Variants in NRDE2 observed in about 807,000 individuals in gnomAD.
NRDE2 encodes nuclear exosome regulator NRDE2.
NRDE2 carries 76 observed loss-of-function variants against 124.2 expected under a neutral mutation model. The observed-to-expected ratio is 0.61, with a 90% CI of 0.51 to 0.74. The LOEUF (loss-of-function observed/expected upper bound fraction) is 0.74. Among genes scored for constraint, NRDE2 ranks in the 30% least tolerant of loss-of-function variants. The pLI is 0.00. For missense variants in NRDE2, 1,314 were observed against 1,417.3 expected (o/e 0.93, Z 1.17); for synonymous variants, 489 against 528.1 (o/e 0.93, Z 1.01).
In NRDE2 at chr14:90,274,786, C is replaced by CCACACACACA. The variant is rs1566677946; in HGVS notation, c.*3549_*3550insTGTGTGTGTG. ...ACAGTATAGCCCTTTAAATAGGGAA[C>CCACACACACA]TACACACACACACACACACACACAC... On this transcript the variant is annotated 3_prime_UTR_variant, in exon 14 of 14. Transcript: ENST00000354366. 22 of 81,646 alleles carry CCACACACACA rather than the reference C, an allele frequency of 2.7e-4. No homozygotes were observed. Among genetic ancestry groups the CCACACACACA allele is most frequent in the African/African-American group, 1.0e-3 (21 of 20,278 alleles). The allele number at this position is 81,646 out of a possible 1,614,324, so 5.1% of individuals were successfully genotyped here. A position where few individuals can be genotyped will look rare whatever the true frequency, so the allele number is the denominator to read the frequency against.
At chr14:90,303,328 ACT>A (rs1277986118) in intron 5 of NRDE2, among the ~76,000 whole-genome samples, 3 of 152,022 alleles carry the variant, frequency 2.0e-5, no homozygotes, top group Non-Finnish European at 2.9e-5. Context: ...TTAATTATCC[ACT>A]CTCTGCCATT....
intron 9 of NRDE2, among the ~76,000 whole-genome samples, chr14:90,290,816 T>C (rs1354225590): frequency 6.6e-6 from 1 of 152,134 alleles, no homozygotes; most frequent in Admixed American, 6.6e-5. Flanking sequence ...GGCAGCCCTG[T>C]GGTGCCATTA....
chr14:90,282,691 G>A (rs1891987194), intron 12 of NRDE2, among the ~76,000 whole-genome samples: 1 of 151,592 alleles, frequency 6.6e-6, no homozygotes, highest in African/African-American at 2.4e-5. Flanking sequence ...TTTTGAGATG[G>A]AGTTTCACTC....
chr14:90,304,566 G>A, intron 4 of NRDE2, 184 bp from the exon 5 acceptor site: 1 of 557,784 alleles, frequency 1.8e-6, no homozygotes, highest in Non-Finnish European at 3.2e-6. Context: ...CTTTCTGCCT[G>A]GCTTGACTTC....
chr14:90,298,565 G>A (rs1884269062), intron 7 of NRDE2, among the ~76,000 whole-genome samples, 185 bp from the exon 8 acceptor site: 1 of 152,144 alleles, frequency 6.6e-6, no homozygotes, highest in Non-Finnish European at 1.5e-5. Flanking sequence ...AGCGTGGCAG[G>A]CAGCTTCCAA....
intron 5 of NRDE2, 82 bp downstream of exon 5, chr14:90,303,853 A>C (rs1368926682): frequency 1.6e-6 from 2 of 1,284,032 alleles, no homozygotes; most frequent in Non-Finnish European, 2.2e-6. Flanking sequence ...TCATTTGCTC[A>C]AAAATTGCTG....
chr14:90,294,034 G>C (rs139763304), intron 8 of NRDE2, among the ~76,000 whole-genome samples: 2,154 of 152,170 alleles, frequency 0.014, 33 homozygotes, highest in Non-Finnish European at 0.02. Context: ...CCAACACCTG[G>C]AAACAATCCA....
rs1402126144 is a variant in NRDE2, at chr14:90,285,308, TTTC to T, written c.3297+1043_3297+1045del. On this transcript the variant is annotated intron_variant, in intron 12 of 13. Transcript: ENST00000354366. ...AAAAAAAGGAAATGTTGATTTTTTT[TTTC>T]TTTTTTTTGAGACGGAGTCTCACTC... Among the ~76,000 whole-genome samples, 10 of 120,292 alleles carry T rather than the reference TTTC, an allele frequency of 8.3e-5. 2 individuals are homozygous for T. Among genetic ancestry groups the T allele is most frequent in the African/African-American group, 2.0e-4 (7 of 35,304 alleles). The allele number at this position is 120,292 out of a possible 152,430, so 78.9% of individuals were successfully genotyped here.
chr14:90,272,475 G>A lies in NRDE2; in HGVS notation c.*5861C>T. On this transcript the variant is annotated 3_prime_UTR_variant, in exon 14 of 14. Coordinates refer to ENST00000354366, the MANE Select transcript of NRDE2 (RefSeq NM_017970.4). The surrounding 1 kb of genome is among the most constrained non-coding windows in gnomAD (Gnocchi z 4.5). ...AATCCCTGAAAGGGATGAGGTTGGG[G>A]GAGTTGCCCAGAGGAATCCCTGTTC... 4.1e-6 allele frequency: 5 copies of A among 1,213,642 alleles called. No individual in the cohort carries two copies. Among genetic ancestry groups the A allele is most frequent in the Non-Finnish European group, 5.7e-6 (5 of 876,994 alleles). The allele number at this position is 1,213,642 out of a possible 1,614,324, so 75.2% of individuals were successfully genotyped here. A position where few individuals can be genotyped will look rare whatever the true frequency, so the allele number is the denominator to read the frequency against.
intron 8 of NRDE2, among the ~76,000 whole-genome samples, chr14:90,296,321 C>T (rs1884145633): frequency 2.0e-5 from 3 of 152,312 alleles, no homozygotes; most frequent in African/African-American, 7.2e-5. Context: ...ACTTCCGTTT[C>T]ATGCAGGCTG....
chr14:90,331,758 C>T, intron 1 of NRDE2, 83 bp downstream of exon 1: 4 of 1,459,128 alleles, frequency 2.7e-6, no homozygotes, highest in Non-Finnish European at 3.8e-6. Context: ...ATACACAAAT[C>T]CAAAGCAAAA....
intron 1 of NRDE2, among the ~76,000 whole-genome samples, chr14:90,327,536 G>A (rs1885486708): frequency 6.8e-6 from 1 of 147,212 alleles, no homozygotes; most frequent in Non-Finnish European, 1.5e-5. Context: ...GCGACAGAGT[G>A]AAACCTCATT....
intron 12 of NRDE2, among the ~76,000 whole-genome samples, chr14:90,285,187 C>T (rs1892065494): frequency 6.9e-6 from 1 of 144,854 alleles, no homozygotes; most frequent in African/African-American, 2.6e-5. Flanking sequence ...AGGAGAATTG[C>T]TTGAACCTGG....
rs1272396156 is a variant in NRDE2, at chr14:90,271,744, C to G, written c.*6592G>C. ...GAACCCACAGCCCTGACCCTTGGGT[C>G]AGTCTTAGTTACAGTAACTCCCAGT... On this transcript the variant is annotated 3_prime_UTR_variant, in exon 14 of 14. Transcript: ENST00000354366. 1 of 152,262 alleles carries G rather than the reference C, an allele frequency of 6.6e-6. No individual in the cohort carries two copies. Among genetic ancestry groups the G allele is most frequent in the Non-Finnish European group, 1.5e-5 (1 of 68,088 alleles). The allele number at this position is 152,262 out of a possible 1,614,324, so 9.4% of individuals were successfully genotyped here. A position where few individuals can be genotyped will look rare whatever the true frequency, so the allele number is the denominator to read the frequency against.
Position 90,303,987 on chromosome 14 carries a change from A to T in NRDE2, c.953T>A (p.Val318Glu). 6.2e-7 allele frequency: 1 copy of T among 1,613,758 alleles called. No homozygotes were observed. Among genetic ancestry groups the T allele is most frequent in the Non-Finnish European group, 8.5e-7 (1 of 1,179,842 alleles). ...KAKVEEFNRR[V>E]RENPRDTQLW... ...CTGCGTATCCCGAGGATTCTCCCGC[A>T]CCCTCCTGTTAAACTCCTCCACCTT... is the stretch of plus-strand genomic sequence containing the variant. The change falls in exon 5 of 14, where the codon GTG (valine) becomes GAG (glutamate). Residue 318 changes from valine to glutamate, a missense_variant. Transcript: ENST00000354366.
chr14:90,283,706 G>GTTTTT (rs199636568), intron 12 of NRDE2, among the ~76,000 whole-genome samples: 18 of 147,156 alleles, frequency 1.2e-4, no homozygotes, highest in African/African-American at 2.8e-4. Flanking sequence ...ACTTTTGCAG[G>GTTTTT]TTTTTTGTTT....
chr14:90,292,660 C>A (rs1461298395), intron 9 of NRDE2, 37 bp downstream of exon 9: 2 of 1,597,374 alleles, frequency 1.3e-6, no homozygotes, highest in Non-Finnish European at 1.7e-6. Flanking sequence ...GCAGGGACCC[C>A]CTGGACAGCT....
intron 1 of NRDE2, among the ~76,000 whole-genome samples, chr14:90,327,819 G>A (rs991056155): frequency 1.3e-5 from 2 of 152,160 alleles, no homozygotes; most frequent in African/African-American, 4.8e-5. Flanking sequence ...CCAACATGGT[G>A]AAACTCTGTC....
intron 1 of NRDE2, among the ~76,000 whole-genome samples, chr14:90,330,990 G>C (rs891244061): frequency 2.0e-5 from 3 of 151,644 alleles, no homozygotes; most frequent in Non-Finnish European, 4.4e-5. Flanking sequence ...GCAGCGGCAC[G>C]ATCATGGCTC....
Sources: allele counts gnomAD v4.1 joint callset (sites outside exome capture counted in the v4.1 genomes callset), GRCh38; gene constraint gnomAD v4.1.1; non-coding constraint Gnocchi (gnomAD v3.1); transcripts MANE v1.5; gene names NCBI Gene and HGNC (gene_info 2026-07-23, HGNC 2026-07-21).